Variants in SLC9A9 observed in about 807,000 individuals in gnomAD.
SLC9A9 encodes the protein sodium/hydrogen exchanger 9.
SLC9A9 carries 62 observed loss-of-function variants against 77.8 expected under a neutral mutation model. The observed-to-expected ratio is 0.80, with a 90% CI of 0.65 to 0.98. SLC9A9 has a LOEUF of 0.98. SLC9A9 is among the 50% of genes least tolerant of loss of function. The pLI is 0.00. For synonymous variants in SLC9A9, 320 were observed against 283.5 expected, an observed-to-expected ratio of 1.13 and a Z score of -1.29; for missense variants, 775 against 774.9, an observed-to-expected ratio of 1.00 and a Z score of 0.00.
chr3:143,317,999 T>C (rs2031283754), intron 14 of SLC9A9, among the ~76,000 whole-genome samples: 1 of 152,200 alleles, frequency 6.6e-6, no homozygotes, highest in Non-Finnish European at 1.5e-5. Context: ...AGTGCTGGGA[T>C]TACAGGCCTG....
intron 12 of SLC9A9, among the ~76,000 whole-genome samples, chr3:143,403,977 CAG>C (rs1177793220): frequency 2.6e-5 from 4 of 152,050 alleles, no homozygotes; most frequent in Non-Finnish European, 5.9e-5. Context: ...AATGGTATCT[CAG>C]AGGTCTCTAA....
intron 4 of SLC9A9, among the ~76,000 whole-genome samples, chr3:143,780,235 A>G (rs866860842): frequency 7.9e-5 from 12 of 152,220 alleles, no homozygotes; most frequent in Non-Finnish European, 1.8e-4. Context: ...AATCAATAGG[A>G]AAAACTAGAC....
At chr3:143,638,646 T>C (rs2038569073) in intron 6 of SLC9A9, among the ~76,000 whole-genome samples, 1 of 152,226 alleles carries the variant, frequency 6.6e-6, no homozygotes, top group African/African-American at 2.4e-5. Flanking sequence ...AAACAACCAA[T>C]ATTTTAAAGC....
At chr3:143,638,733 T>C (rs2038570745) in intron 6 of SLC9A9, among the ~76,000 whole-genome samples, 1 of 152,200 alleles carries the variant, frequency 6.6e-6, no homozygotes, top group East Asian at 1.9e-4. Context: ...GGCCCTGCAG[T>C]CAGGCACAGA....
intron 9 of SLC9A9, among the ~76,000 whole-genome samples, chr3:143,498,640 CA>C (rs1333717890): frequency 6.6e-6 from 1 of 151,666 alleles, no homozygotes; most frequent in Non-Finnish European, 1.5e-5. Flanking sequence ...TTTAATCACC[CA>C]GGAAAGTGCA....
intron 14 of SLC9A9, among the ~76,000 whole-genome samples, chr3:143,295,621 C>T (rs537644204): frequency 6.6e-6 from 1 of 152,316 alleles, no homozygotes; most frequent in South Asian, 2.1e-4. Context: ...CTATCACGAA[C>T]CCACAGAGGA....
intron 8 of SLC9A9, among the ~76,000 whole-genome samples, chr3:143,556,644 G>C (rs1404084225): frequency 6.6e-6 from 1 of 152,130 alleles, no homozygotes; most frequent in Non-Finnish European, 1.5e-5. Flanking sequence ...CTTCCTGTAA[G>C]TATTACCTCT....
intron 4 of SLC9A9, among the ~76,000 whole-genome samples, chr3:143,760,935 C>A (rs567588661): frequency 6.6e-6 from 1 of 152,288 alleles, no homozygotes; most frequent in East Asian, 1.9e-4. Context: ...TACCTGACTT[C>A]AAACTATACT....
intron 5 of SLC9A9, among the ~76,000 whole-genome samples, chr3:143,689,945 T>C (rs1211635924): frequency 6.6e-6 from 1 of 152,048 alleles, no homozygotes; most frequent in Non-Finnish European, 1.5e-5. Context: ...TGTGATTTTC[T>C]TTTTAGAATC....
At chr3:143,281,962 T>A (rs954869318) in intron 14 of SLC9A9, among the ~76,000 whole-genome samples, 2 of 152,236 alleles carry the variant, frequency 1.3e-5, no homozygotes, top group Non-Finnish European at 2.9e-5. Context: ...TCAGGCTCAA[T>A]GTCACTTATG....
chr3:143,734,169 C>G (rs1052018329), intron 4 of SLC9A9, among the ~76,000 whole-genome samples: 1 of 151,782 alleles, frequency 6.6e-6, no homozygotes, highest in Non-Finnish European at 1.5e-5. Flanking sequence ...TGCACTCCAG[C>G]CTGGGCAACA....
rs1256443060 is a variant in SLC9A9, at chr3:143,467,030, C to A, written c.1469+7G>T. ...AATGATTTCCTTTGCTAGACGGTGT[C>A]ACTCACCTGATCTGAAGCCAAGTCA... On this transcript the variant is annotated splice_region_variant and intron_variant, in intron 12 of 15. Transcript: ENST00000316549. 2 of 1,612,940 alleles carry A rather than the reference C, an allele frequency of 1.2e-6. No homozygotes were observed. Among genetic ancestry groups the A allele is most frequent in the Admixed American group, 1.7e-5 (1 of 59,870 alleles).
At position 143,834,353 on chromosome 3, in the gene SLC9A9, C is replaced by T. The variant is rs147161600; in HGVS notation, c.176-2132G>A. Among the ~76,000 whole-genome samples, 658 of 152,228 alleles carry T rather than the reference C, an allele frequency of 4.3e-3. 4 individuals carry two copies. Among genetic ancestry groups the T allele is most frequent in the African/African-American group, 0.015 (621 of 41,538 alleles). On this transcript the variant is annotated intron_variant, in intron 1 of 15. Coordinates refer to ENST00000316549, the MANE Select transcript of SLC9A9 (RefSeq NM_173653.4). The stretch of plus-strand genomic sequence containing the variant: ...GGGAACATAGATCATCTACACTCTA[C>T]GTGGCTTAGGGTGCTTGCATAAGAA...
In SLC9A9 at chr3:143,317,310, AGCTCCTGCCCGAGGAGCTACT is replaced by A. The variant is rs529048134; in HGVS notation, c.1604+46153_1604+46173del. Reference sequence around the variant, plus strand: ...GCCAGGGCAGCCCTCCTCAGAGACAAGCTCCTGCCCGAGGAGCTACTGCTCCTGCACAACAGGGCAACAGCC... The same window carrying A: ...GCCAGGGCAGCCCTCCTCAGAGACAAGCTCCTGCACAACAGGGCAACAGCC... On this transcript the variant is annotated intron_variant, in intron 14 of 15. Coordinates refer to ENST00000316549, the MANE Select transcript of SLC9A9 (RefSeq NM_173653.4). Among the ~76,000 whole-genome samples the A allele has an allele frequency of 8.3e-4, 126 of 152,200 alleles. 2 individuals carry two copies. The highest frequency in any genetic ancestry group is 2.2e-3 in the African/African-American group (93 of 41,542).
At chr3:143,532,371 T>C (rs1408778567) in intron 9 of SLC9A9, among the ~76,000 whole-genome samples, 2 of 152,186 alleles carry the variant, frequency 1.3e-5, no homozygotes, top group East Asian at 1.9e-4. Flanking sequence ...CAAAAACTCT[T>C]TGGGGCCTCA....
At chr3:143,388,832 T>C (rs1216922836) in intron 12 of SLC9A9, among the ~76,000 whole-genome samples, 1 of 152,210 alleles carries the variant, frequency 6.6e-6, no homozygotes, top group Admixed American at 6.5e-5. Context: ...GCATTGAACA[T>C]TAATTATTTG....
At chr3:143,392,812 A>G (rs567503020) in intron 12 of SLC9A9, among the ~76,000 whole-genome samples, 1 of 152,338 alleles carries the variant, frequency 6.6e-6, no homozygotes, top group African/African-American at 2.4e-5. Flanking sequence ...AGTCTCTGAT[A>G]AAACAGACTT....
At position 143,405,076 on chromosome 3, in the gene SLC9A9, A is replaced by G. The variant is rs145451967; in HGVS notation, c.1470-22962T>C. ...CTCTCAGGGGCATCCAAGGGGGTGT[A>G]ACCCAGCACCTTTGGACCCCCAGGC... On this transcript the variant is annotated intron_variant, in intron 12 of 15. Coordinates refer to ENST00000316549, the MANE Select transcript of SLC9A9 (RefSeq NM_173653.4). Among the ~76,000 whole-genome samples the G allele has an allele frequency of 4.6e-3, 708 of 152,276 alleles. 4 individuals carry two copies. Among genetic ancestry groups the G allele is most frequent in the Non-Finnish European group, 7.9e-3 (536 of 68,006 alleles).
intron 6 of SLC9A9, among the ~76,000 whole-genome samples, chr3:143,595,288 T>C (rs1576598955): frequency 6.6e-6 from 1 of 152,198 alleles, no homozygotes; most frequent in East Asian, 1.9e-4. Context: ...ATTGAGTATC[T>C]TTTTAAATGA....
Sources: gnomAD v4.1 joint callset for allele counts (sites outside exome capture counted in the v4.1 genomes callset) on GRCh38, gnomAD v4.1.1 for gene constraint, MANE v1.5 for transcripts, NCBI Gene and HGNC (gene_info 2026-07-23, HGNC 2026-07-21) for gene names.